Variants in PRKG1 observed in about 807,000 individuals in gnomAD.
PRKG1 encodes the protein protein kinase cGMP-dependent 1.
Under a neutral mutation model 88.1 loss-of-function variants are expected in PRKG1, and 35 were observed. The observed-to-expected ratio is 0.40, with a 90% CI of 0.30 to 0.53. The LOEUF is 0.53. PRKG1 is among the 20% of genes least tolerant of loss of function. PRKG1 has a pLI of 0.59. For synonymous variants in PRKG1, 303 were observed against 292.5 expected, an observed-to-expected ratio of 1.04 and a Z score of -0.37; for missense variants, 540 against 839.8, an observed-to-expected ratio of 0.64 and a Z score of 4.41.
intron 2 of PRKG1, among the ~76,000 whole-genome samples, chr10:51,410,217 CAT>C (rs924885523): frequency 8.9e-5 from 13 of 146,762 alleles, no homozygotes; most frequent in African/African-American, 2.3e-4. Flanking sequence ...CTCCCCTTTA[CAT>C]ATATATATGT....
intron 2 of PRKG1, among the ~76,000 whole-genome samples, chr10:51,281,192 C>A (rs1359661768): frequency 2.6e-5 from 4 of 152,164 alleles, no homozygotes; most frequent in Non-Finnish European, 4.4e-5. Flanking sequence ...TGGTGAACAG[C>A]AAATGTTGCT....
At chr10:51,100,188 CT>C (rs1844644610) in intron 1 of PRKG1, among the ~76,000 whole-genome samples, 1 of 152,132 alleles carries the variant, frequency 6.6e-6, no homozygotes, top group Non-Finnish European at 1.5e-5. Context: ...GCCATCATAC[CT>C]GGTCTAGTTT....
rs182152035 is a variant in PRKG1 at position 52,133,408 on chromosome 10, C to T, written c.936-432C>T. On this transcript the variant is annotated intron_variant, in intron 7 of 17. Coordinates refer to ENST00000373980, the MANE Select transcript of PRKG1 (RefSeq NM_006258.4). ...CTTTAAAGTAAGGAAATAATTTAAA[C>T]AGATCAATTGTTCTCAAGGATATAA... is the stretch of plus-strand genomic sequence containing the variant. 3.3e-5 allele frequency among the ~76,000 whole-genome samples: 5 copies of T among 152,156 alleles called. No homozygotes were observed. The East Asian group carries it at 9.6e-4, about 29-fold the overall frequency.
intron 3 of PRKG1, among the ~76,000 whole-genome samples, chr10:51,672,191 T>C (rs375114581): frequency 2.6e-5 from 4 of 152,098 alleles, no homozygotes; most frequent in African/African-American, 7.2e-5. Flanking sequence ...AGTGTCTACC[T>C]TTAGTCTCTT....
intron 5 of PRKG1, among the ~76,000 whole-genome samples, chr10:51,933,347 T>A (rs1368021847): frequency 3.3e-5 from 5 of 152,180 alleles, no homozygotes; most frequent in African/African-American, 1.2e-4. Context: ...TAATGGATGA[T>A]CTATAAGCTT....
In PRKG1 at chr10:52,280,783, C is replaced by T. The variant is rs1487667412; in HGVS notation, c.1404-6C>T. ...ATACAATTTTCATTCCATTTCTGCA[C>T]CTCAGAGGTTCGTTTGAAGATTCTA... On this transcript the variant is annotated splice_region_variant and splice_polypyrimidine_tract_variant and intron_variant, in intron 12 of 17. Transcript: ENST00000373980. 1 of 1,611,520 alleles carries T rather than the reference C, an allele frequency of 6.2e-7. No individual in the cohort carries two copies. The highest frequency in any genetic ancestry group is 1.3e-5 in the African/African-American group (1 of 74,786).
At chr10:51,608,070 C>G (rs7912991) in intron 3 of PRKG1, among the ~76,000 whole-genome samples, 8,147 of 152,288 alleles carry the variant, frequency 0.053, 250 homozygotes, top group Middle Eastern at 0.099. Context: ...CCCCTACTTG[C>G]TGTCGATTAA....
intron 7 of PRKG1, among the ~76,000 whole-genome samples, chr10:52,101,617 G>A (rs570706578): frequency 3.9e-5 from 6 of 152,176 alleles, no homozygotes; most frequent in Non-Finnish European, 7.3e-5. Flanking sequence ...AATAATTCAT[G>A]TGTATTGACT....
At chr10:51,865,762 A>G (rs974990379) in intron 4 of PRKG1, among the ~76,000 whole-genome samples, 1 of 152,202 alleles carries the variant, frequency 6.6e-6, no homozygotes, top group South Asian at 2.1e-4. Context: ...CTAAGGGAAA[A>G]TATCTGATTT....
At chr10:51,606,427 G>A (rs931653179) in intron 3 of PRKG1, among the ~76,000 whole-genome samples, 8 of 152,142 alleles carry the variant, frequency 5.3e-5, no homozygotes, top group African/African-American at 1.9e-4. Flanking sequence ...AGAAATAAAT[G>A]AGAAGTATGT....
chr10:51,284,550 AT>A (rs1291126589), intron 2 of PRKG1, among the ~76,000 whole-genome samples: 1 of 152,188 alleles, frequency 6.6e-6, no homozygotes, highest in Non-Finnish European at 1.5e-5. Flanking sequence ...AATGCTTTAT[AT>A]TTTTTGTTAT....
chr10:52,010,683 G>A (rs140882093), intron 5 of PRKG1, among the ~76,000 whole-genome samples: 97 of 152,202 alleles, frequency 6.4e-4, no homozygotes, highest in Middle Eastern at 3.4e-3. Flanking sequence ...CAGATAAACC[G>A]ACGGCCTTCC....
chr10:51,082,045 C>G (rs1051746555), intron 1 of PRKG1, among the ~76,000 whole-genome samples: 1 of 152,148 alleles, frequency 6.6e-6, no homozygotes, highest in Non-Finnish European at 1.5e-5. Flanking sequence ...CATATGTAAG[C>G]CACCGCACCC....
chr10:51,893,563 A>G (rs1470861875), intron 4 of PRKG1, among the ~76,000 whole-genome samples: 1 of 152,092 alleles, frequency 6.6e-6, no homozygotes, highest in Non-Finnish European at 1.5e-5. Flanking sequence ...CTGTTGCTTC[A>G]TTGCATTTGG....
intron 7 of PRKG1, chr10:52,128,667 A>G: frequency 1.8e-5 from 13 of 737,802 alleles, no homozygotes; most frequent in Non-Finnish European, 2.2e-5. Flanking sequence ...GCCACTACTA[A>G]ACTGCATAGC....
intron 3 of PRKG1, among the ~76,000 whole-genome samples, chr10:51,746,855 C>T (rs1434353752): frequency 1.3e-5 from 2 of 152,206 alleles, no homozygotes; most frequent in South Asian, 4.1e-4. Flanking sequence ...TCTCCCAAAG[C>T]AGTTCCCCTC....
At chr10:51,254,393 G>A (rs1449658296) in intron 2 of PRKG1, among the ~76,000 whole-genome samples, 3 of 151,928 alleles carry the variant, frequency 2.0e-5, no homozygotes, top group East Asian at 1.9e-4. Flanking sequence ...GGAAATTATT[G>A]TACTGCAGGC....
chr10:51,759,275 GT>G (rs199857283), intron 3 of PRKG1, among the ~76,000 whole-genome samples: 2 of 150,370 alleles, frequency 1.3e-5, no homozygotes, highest in African/African-American at 4.9e-5. Context: ...CTTTTCTTTT[GT>G]TTTTTTTTGA....
intron 14 of PRKG1, 104 bp downstream of exon 14, chr10:52,282,420 A>G (rs1842021630): frequency 1.8e-6 from 2 of 1,121,556 alleles, no homozygotes; most frequent in Non-Finnish European, 1.2e-6. Context: ...ACTTTTCACC[A>G]TATCTTGGTA....
Sources: gnomAD v4.1 joint callset for allele counts (sites outside exome capture counted in the v4.1 genomes callset) on GRCh38, gnomAD v4.1.1 for gene constraint, MANE v1.5 for transcripts, NCBI Gene and HGNC (gene_info 2026-07-23, HGNC 2026-07-21) for gene names.